DCTPP1: variants seen among roughly 807,000 people sequenced by gnomAD.
DCTPP1 encodes the protein XTP3-transactivated gene A protein.
Under a neutral mutation model 8.8 loss-of-function variants are expected in DCTPP1, and 8 were observed. The ratio of observed to expected loss-of-function variants is 0.91; its 90% CI spans 0.54 to 1.64. The LOEUF (loss-of-function observed/expected upper bound fraction) is 1.64. DCTPP1 is among the 40% of genes most tolerant of loss of function. The probability of loss-of-function intolerance (pLI) is 0.00; values close to 1 mark genes in which losing one functional copy is unlikely to be tolerated. For missense variants in DCTPP1, 231 were observed against 230.4 expected (o/e 1.00, Z -0.02); for synonymous variants, 85 against 92.1 (o/e 0.92, Z 0.44).
chr16:30,424,671 G>T (rs2050183234), intron 2 of DCTPP1, 138 bp from the exon 3 acceptor site: 1 of 1,039,750 alleles, frequency 9.6e-7, no homozygotes, highest in Non-Finnish European at 1.4e-6. Context: ...GTGGGGAAGA[G>T]ACCCCGACAG....
intron 2 of DCTPP1, among the ~76,000 whole-genome samples, chr16:30,426,499 A>T (rs2050194018): frequency 7.8e-6 from 1 of 127,738 alleles, no homozygotes. Context: ...TTTGAGACAG[A>T]GTCTTGCTGT....
At chr16:30,428,944 A>G in intron 2 of DCTPP1, 113 bp downstream of exon 2, 1 of 1,141,628 alleles carries the variant, frequency 8.8e-7, no homozygotes, top group Non-Finnish European at 1.2e-6. Context: ...AACAGCAAAG[A>G]GCCTAGCAAT....
chr16:30,428,590 T>G (rs1424934474), intron 2 of DCTPP1, among the ~76,000 whole-genome samples: 1 of 151,866 alleles, frequency 6.6e-6, no homozygotes, highest in Non-Finnish European at 1.5e-5. Flanking sequence ...ACCAATATGG[T>G]GAAACCCCGT....
rs759492520 is a variant in DCTPP1, at chr16:30,429,141, G to A, written c.128C>T (p.Ala43Val). The A allele has an allele frequency of 3.7e-6, 6 of 1,613,858 alleles. No homozygotes were observed. Among genetic ancestry groups the A allele is most frequent in the Non-Finnish European group, 5.1e-6 (6 of 1,179,914 alleles). Residue 43 changes from alanine (A) to valine (V), a missense_variant, in exon 2 of 3, where the codon GCG (alanine) becomes GTG (valine). By Grantham distance (64) the Ala-to-Val change is moderately conservative. Transcript: ENST00000319285. Reference sequence around the variant, plus strand: ...ATGGAACTGTTCCCAGTCTCGTTCCGCAGCAAACTCAGCATGGAGGCGGCG... The same window carrying A: ...ATGGAACTGTTCCCAGTCTCGTTCCACAGCAAACTCAGCATGGAGGCGGCG... ...DIRRLHAEFA[A>V]ERDWEQFHQP... is the part of the protein sequence containing the mutation.
At chr16:30,426,187 T>G (rs2050191263) in intron 2 of DCTPP1, among the ~76,000 whole-genome samples, 1 of 152,166 alleles carries the variant, frequency 6.6e-6, no homozygotes, top group African/African-American at 2.4e-5. Context: ...TTTGTTCGTT[T>G]TTGTTTTTGA....
chr16:30,429,207 T>G, intron 1 of DCTPP1, 40 bp from the exon 2 acceptor site: 1 of 1,609,416 alleles, frequency 6.2e-7, no homozygotes, highest in Non-Finnish European at 8.5e-7. Context: ...AGTCTCCGGG[T>G]TAGAGGGTGA....
Position 30,429,138 on chromosome 16 carries a change from T to C in DCTPP1, c.131A>G (p.Glu44Gly), listed in dbSNP as rs763156020. 3 of 1,613,784 alleles carry C rather than the reference T, an allele frequency of 1.9e-6. No homozygotes were observed. Among genetic ancestry groups the C allele is most frequent in the Non-Finnish European group, 2.5e-6 (3 of 1,179,928 alleles). Residue 44 changes from glutamate to glycine, a missense_variant, in exon 2 of 3, where the codon GAA becomes GGA. Coordinates refer to ENST00000319285, the MANE Select transcript of DCTPP1 (RefSeq NM_024096.2). Reference protein sequence around the residue: ...IRRLHAEFAAERDWEQFHQPR... With the variant: ...IRRLHAEFAAGRDWEQFHQPR... ...CTGATGGAACTGTTCCCAGTCTCGT[T>C]CCGCAGCAAACTCAGCATGGAGGCG...
chr16:30,424,963 C>T (rs921499973), intron 2 of DCTPP1, among the ~76,000 whole-genome samples: 8 of 152,364 alleles, frequency 5.3e-5, no homozygotes, highest in African/African-American at 1.9e-4. Context: ...ATACTGCAAC[C>T]TCCGCCTCCC....
At chr16:30,428,197 G>A (rs900755069) in intron 2 of DCTPP1, among the ~76,000 whole-genome samples, 3 of 152,098 alleles carry the variant, frequency 2.0e-5, no homozygotes, top group African/African-American at 4.8e-5. Flanking sequence ...TATCTTTGTG[G>A]GTTCAACTCC....
rs780565157 is a variant in DCTPP1, at chr16:30,429,108, C to G, written c.161G>C (p.Arg54Pro). 16 of 1,613,972 alleles carry G rather than the reference C, an allele frequency of 9.9e-6. No homozygotes were observed. Among genetic ancestry groups the G allele is most frequent in the Non-Finnish European group, 1.3e-5 (15 of 1,179,938 alleles). Residue 54 changes from arginine to proline, a missense_variant, in exon 2 of 3, where the codon CGG (arginine) becomes CCG (proline). Arg to Pro is a moderately radical substitution (Grantham distance 103). Coordinates refer to ENST00000319285, the MANE Select transcript of DCTPP1 (RefSeq NM_024096.2). ...ERDWEQFHQP[R>P]NLLLALVGEV... ...CCCAACCAAGGCCAGGAGGAGATTC[C>G]GAGGCTGATGGAACTGTTCCCAGTC...
chr16:30,424,241 A>G lies in DCTPP1; in HGVS notation c.505T>C (p.Ser169Pro), dbSNP rs201992231. Residue 169 changes from serine to proline, a missense_variant, in exon 3 of 3, where the codon TCA becomes CCA. Coordinates refer to ENST00000319285, the MANE Select transcript of DCTPP1 (RefSeq NM_024096.2). ...DIPCDSTGQT[S>P]T is the part of the protein sequence containing the mutation. ...GTCCTGTGGCCATCTTTCTAGGTTGAGGTCTGGCCTGTGGAGTCACAGGGA... is the reference window on the plus strand; with the variant it reads ...GTCCTGTGGCCATCTTTCTAGGTTGGGGTCTGGCCTGTGGAGTCACAGGGA... The G allele has an allele frequency of 6.2e-7, 1 of 1,613,304 alleles. No homozygotes were observed. Among genetic ancestry groups the G allele is most frequent in the East Asian group, 2.2e-5 (1 of 44,864 alleles).
At position 30,429,153 on chromosome 16, in the gene DCTPP1, G is replaced by C; in HGVS notation, c.116C>G (p.Ala39Gly). 1 of 1,614,038 alleles carries C rather than the reference G, an allele frequency of 6.2e-7. No individual in the cohort carries two copies. Among genetic ancestry groups the C allele is most frequent in the Non-Finnish European group, 8.5e-7 (1 of 1,179,960 alleles). The change falls in exon 2 of 3, where the codon GCT becomes GGT. Residue 39 changes from alanine to glycine, a missense_variant. Ala to Gly is a moderately conservative substitution (Grantham distance 60). Transcript: ENST00000319285. ...CCAGTCTCGTTCCGCAGCAAACTCAGCATGGAGGCGGCGGCTGAAATAGGA... is the reference window on the plus strand; with the variant it reads ...CCAGTCTCGTTCCGCAGCAAACTCACCATGGAGGCGGCGGCTGAAATAGGA... ...PTLEDIRRLH[A>G]EFAAERDWEQ...
intron 2 of DCTPP1, 153 bp downstream of exon 2, chr16:30,428,904 G>T: frequency 1.4e-6 from 1 of 730,146 alleles, no homozygotes; most frequent in South Asian, 2.1e-5. Flanking sequence ...CTAGAGGGCA[G>T]GGACCCGTGA....
In DCTPP1 at chr16:30,424,119, G is replaced by T; in HGVS notation, c.*114C>A. 1 of 1,285,546 alleles carries T rather than the reference G, an allele frequency of 7.8e-7. No homozygotes were observed. Among genetic ancestry groups the T allele is most frequent in the Non-Finnish European group, 1.0e-6 (1 of 954,232 alleles). The allele number at this position is 1,285,546 out of a possible 1,614,324, so 79.6% of individuals were successfully genotyped here. A position where few individuals can be genotyped will look rare whatever the true frequency, so the allele number is the denominator to read the frequency against. On this transcript the variant is annotated 3_prime_UTR_variant, in exon 3 of 3. Coordinates refer to ENST00000319285, the MANE Select transcript of DCTPP1 (RefSeq NM_024096.2). ...GCTGCTGGGCCTCAGACCTCAAGAA[G>T]TGGAGGCCTCAGGCCCATGATCTAT...
rs2050179139 is a variant in DCTPP1, at chr16:30,424,231, T to A, written c.*2A>T. ...TGAGTTGCAAGTCCTGTGGCCATCT[T>A]TCTAGGTTGAGGTCTGGCCTGTGGA... On this transcript the variant is annotated 3_prime_UTR_variant, in exon 3 of 3. Transcript: ENST00000319285. 1.2e-6 allele frequency: 2 copies of A among 1,612,686 alleles called. No individual in the cohort carries two copies. The highest frequency in any genetic ancestry group is 4.5e-5 in the East Asian group (2 of 44,846).
chr16:30,428,892 C>G lies in DCTPP1; in HGVS notation c.212+165G>C, dbSNP rs747840395. 3 of 635,250 alleles carry G rather than the reference C, an allele frequency of 4.7e-6. No homozygotes were observed. The African/African-American group carries it at 5.6e-5, about 12-fold the overall frequency. 39.4% of individuals were successfully genotyped at this position (635,250 alleles called of 1,614,324 possible). A position where few individuals can be genotyped will look rare whatever the true frequency, so the allele number is the denominator to read the frequency against. On this transcript the variant is annotated intron_variant, in intron 2 of 2. Transcript: ENST00000319285. ...CTCTCTCTTCCAGGAGGCTGAGTGC[C>G]CCTAGAGGGCAGGGACCCGTGAGTC...
chr16:30,429,256 G>A (rs2050211232), intron 1 of DCTPP1, 89 bp from the exon 2 acceptor site: 1 of 1,319,546 alleles, frequency 7.6e-7, no homozygotes, highest in South Asian at 1.3e-5. Flanking sequence ...AGTATGTAAT[G>A]GGGCCTGGGA....
intron 1 of DCTPP1, chr16:30,429,593 G>A: frequency 2.2e-6 from 1 of 451,582 alleles, no homozygotes. Flanking sequence ...TCGTACCCCC[G>A]GCGCCTGGAG....
At chr16:30,425,365 T>C (rs1168080930) in intron 2 of DCTPP1, among the ~76,000 whole-genome samples, 1 of 151,824 alleles carries the variant, frequency 6.6e-6, no homozygotes, top group Non-Finnish European at 1.5e-5. Context: ...GGTGGGCACC[T>C]ATAATCCCAG....
Sources: gnomAD v4.1 joint callset for allele counts (sites outside exome capture counted in the v4.1 genomes callset) on GRCh38, gnomAD v4.1.1 for gene constraint, MANE v1.5 for transcripts, NCBI Gene and HGNC (gene_info 2026-07-23, HGNC 2026-07-21) for gene names.